ADAMTSL1: variants seen among roughly 807,000 people sequenced by gnomAD.
ADAMTSL1 encodes ADAMTS like 1.
ADAMTSL1 carries 126 observed loss-of-function variants against 201.8 expected under a neutral mutation model. That is an observed-to-expected ratio of 0.62 (90% confidence interval 0.54 to 0.72). The LOEUF (loss-of-function observed/expected upper bound fraction) is 0.72, where lower values mean the gene tolerates loss of function less well. ADAMTSL1 is among the 30% of genes least tolerant of loss of function. ADAMTSL1 has a pLI of 0.00. For missense variants in ADAMTSL1, 2,679 were observed against 2,277.8 expected, an observed-to-expected ratio of 1.18 and a Z score of -3.59; for synonymous variants, 1,121 against 903.4, an observed-to-expected ratio of 1.24 and a Z score of -4.32.
intron 1 of ADAMTSL1, among the ~76,000 whole-genome samples, chr9:17,931,261 G>A (rs760608241): frequency 6.2e-4 from 95 of 152,174 alleles, no homozygotes; most frequent in Admixed American, 1.7e-3. Context: ...ATTCGAGCCC[G>A]GGTGCTGCTT....
At chr9:18,783,126 C>A (rs1588102893) in intron 19 of ADAMTSL1, among the ~76,000 whole-genome samples, 1 of 152,074 alleles carries the variant, frequency 6.6e-6, no homozygotes, top group South Asian at 2.1e-4. Flanking sequence ...TTGCAGTAGC[C>A]CCTACAACAC....
intron 1 of ADAMTSL1, among the ~76,000 whole-genome samples, chr9:18,006,748 T>C (rs923238992): frequency 6.6e-6 from 1 of 152,046 alleles, no homozygotes; most frequent in African/African-American, 2.4e-5. Flanking sequence ...AAGCAGAGTC[T>C]GTGATTATGT....
At chr9:18,890,449 G>A (rs1829174636) in intron 25 of ADAMTSL1, 3 of 454,270 alleles carry the variant, frequency 6.6e-6, no homozygotes, top group South Asian at 4.7e-5. Flanking sequence ...CACTGGTGCA[G>A]TGCTGAGAGC....
At chr9:18,032,501 G>C (rs1269186031) in intron 1 of ADAMTSL1, among the ~76,000 whole-genome samples, 2 of 152,166 alleles carry the variant, frequency 1.3e-5, no homozygotes, top group Non-Finnish European at 2.9e-5. Context: ...GGCAGTTTTG[G>C]GAGGGGTTGG....
chr9:18,110,568 T>C (rs747088265), intron 1 of ADAMTSL1, among the ~76,000 whole-genome samples: 1 of 152,138 alleles, frequency 6.6e-6, no homozygotes, highest in Non-Finnish European at 1.5e-5. Flanking sequence ...GAGGGGTCTT[T>C]TTGAGCTAGT....
At position 17,925,189 on chromosome 9, in the gene ADAMTSL1, A is replaced by G. The variant is rs1389835963; in HGVS notation, c.87+18267A>G. Among the ~76,000 whole-genome samples, 2 of 114,412 alleles carry G rather than the reference A, an allele frequency of 1.7e-5. 1 individual carries two copies. 75.1% of individuals were successfully genotyped at this position (114,412 alleles called of 152,430 possible). A position where few individuals can be genotyped will look rare whatever the true frequency, so the allele number is the denominator to read the frequency against. On this transcript the variant is annotated intron_variant, in intron 1 of 29. Coordinates refer to the ADAMTSL1 transcript ENST00000680146. ...CACACCAGTTAGAATGGCAATCATT[A>G]AAAAGTCAGGAAACAACAGGTGCTG...
At chr9:18,193,543 T>C (rs1332502987) in intron 2 of ADAMTSL1, among the ~76,000 whole-genome samples, 1 of 152,118 alleles carries the variant, frequency 6.6e-6, no homozygotes, top group Non-Finnish European at 1.5e-5. Context: ...CCTTTATCTA[T>C]TAAATTTCAG....
chr9:18,716,576 T>C (rs12342495), intron 14 of ADAMTSL1, among the ~76,000 whole-genome samples: 2 of 128,572 alleles, frequency 1.6e-5, no homozygotes, highest in Non-Finnish European at 3.3e-5. Flanking sequence ...ATCATTAAAA[T>C]GTCAGGAAAC....
chr9:18,224,602 C>T (rs563050541), intron 2 of ADAMTSL1, among the ~76,000 whole-genome samples: 1 of 152,158 alleles, frequency 6.6e-6, no homozygotes. Context: ...AGTCTTGTCT[C>T]ATTCCAGCAT....
Position 17,982,662 on chromosome 9 carries a change from G to A in ADAMTSL1, c.87+75740G>A, listed in dbSNP as rs1218267336. 3.9e-5 allele frequency among the ~76,000 whole-genome samples: 6 copies of A among 152,092 alleles called. No homozygotes were observed. The East Asian group carries it at 1.2e-3, about 29-fold the overall frequency. ...TAAAAATAAAACCGGGCAGGATATA[G>A]TCCAGCAAACTGAGTGCGTGGAATC... On this transcript the variant is annotated intron_variant, in intron 1 of 29. Transcript: ENST00000680146.
intron 6 of ADAMTSL1, among the ~76,000 whole-genome samples, chr9:18,638,432 C>A (rs1017638040): frequency 6.6e-6 from 1 of 152,040 alleles, no homozygotes; most frequent in South Asian, 2.1e-4. Context: ...CATCTTTCTT[C>A]GTGCAACATA....
intron 13 of ADAMTSL1, among the ~76,000 whole-genome samples, chr9:18,692,693 A>G (rs1452665572): frequency 1.3e-5 from 2 of 152,258 alleles, no homozygotes; most frequent in African/African-American, 4.8e-5. Flanking sequence ...CATGTAAAGA[A>G]GAAATGGTAC....
intron 3 of ADAMTSL1, among the ~76,000 whole-genome samples, chr9:18,539,680 C>T (rs1224439787): frequency 6.6e-6 from 1 of 152,090 alleles, no homozygotes; most frequent in African/African-American, 2.4e-5. Flanking sequence ...GAATAGGAAA[C>T]AAGAATGAGG....
chr9:18,331,777 A>G (rs989446742), intron 2 of ADAMTSL1, among the ~76,000 whole-genome samples: 1 of 152,318 alleles, frequency 6.6e-6, no homozygotes, highest in South Asian at 2.1e-4. Context: ...GTAGCTATGC[A>G]TCAGTAGCTC....
At chr9:17,914,708 A>G (rs1220428880) in intron 1 of ADAMTSL1, among the ~76,000 whole-genome samples, 2 of 151,970 alleles carry the variant, frequency 1.3e-5, no homozygotes, top group Admixed American at 6.6e-5. Flanking sequence ...ACGGTATTCA[A>G]TTAGGAAAAG....
intron 3 of ADAMTSL1, among the ~76,000 whole-genome samples, chr9:18,564,521 C>G (rs962374252): frequency 6.6e-6 from 1 of 152,156 alleles, no homozygotes. Context: ...TGCAACAGAC[C>G]CAAGGAATAG....
chr9:18,707,584 A>G (rs1036516706), intron 14 of ADAMTSL1, among the ~76,000 whole-genome samples: 2 of 152,236 alleles, frequency 1.3e-5, no homozygotes, highest in Non-Finnish European at 2.9e-5. Flanking sequence ...CCCATCTTAC[A>G]GATGAGAAAA....
chr9:18,133,747 T>A (rs1323813027), intron 1 of ADAMTSL1, among the ~76,000 whole-genome samples: 1 of 152,160 alleles, frequency 6.6e-6, no homozygotes, highest in Non-Finnish European at 1.5e-5. Context: ...CCTGTGCTTG[T>A]GTGTATGTAT....
At chr9:18,611,528 T>A (rs1471064259) in intron 4 of ADAMTSL1, among the ~76,000 whole-genome samples, 2 of 152,068 alleles carry the variant, frequency 1.3e-5, no homozygotes, top group African/African-American at 2.4e-5. Context: ...TAGCAAAAAA[T>A]TTATGTAAGA....
Sources: gnomAD v4.1 joint callset for allele counts (sites outside exome capture counted in the v4.1 genomes callset) on GRCh38, gnomAD v4.1.1 for gene constraint, MANE v1.5 for transcripts, NCBI Gene and HGNC (gene_info 2026-07-23, HGNC 2026-07-21) for gene names.